Variants in PEAK1 observed in about 807,000 individuals in gnomAD.
PEAK1 encodes the protein inactive tyrosine-protein kinase PEAK1.
PEAK1 carries 54 observed loss-of-function variants against 124.7 expected under a neutral mutation model. The observed-to-expected ratio is 0.43, with a 90% CI of 0.35 to 0.54. The LOEUF (loss-of-function observed/expected upper bound fraction) is 0.54, where lower values mean the gene tolerates loss of function less well. Ranked by LOEUF, PEAK1 falls within the 20% of genes least tolerant of loss-of-function variation. PEAK1 has a pLI of 0.01. For missense variants in PEAK1, 2,046 were observed against 2,134.5 expected (o/e 0.96, Z 0.82); for synonymous variants, 719 against 760.0 (o/e 0.95, Z 0.89).
chr15:77,364,369 T>C (rs1165657119), intron 2 of PEAK1, among the ~76,000 whole-genome samples: 1 of 152,214 alleles, frequency 6.6e-6, no homozygotes, highest in African/African-American at 2.4e-5. Flanking sequence ...AGTGTTCATA[T>C]CATATCTAGA....
chr15:77,413,877 G>A (rs773799699), intron 1 of PEAK1, among the ~76,000 whole-genome samples: 3 of 152,180 alleles, frequency 2.0e-5, no homozygotes, highest in Non-Finnish European at 4.4e-5. Flanking sequence ...AGACTGGGGT[G>A]CAGTGGTGCA....
intron 2 of PEAK1, among the ~76,000 whole-genome samples, chr15:77,341,894 T>G (rs992219780): frequency 1.3e-5 from 2 of 152,182 alleles, no homozygotes; most frequent in African/African-American, 4.8e-5. Flanking sequence ...AGCTCTGTAC[T>G]GTCTGAAGTG....
intron 6 of PEAK1, among the ~76,000 whole-genome samples, chr15:77,245,249 G>A (rs2060527687): frequency 6.6e-6 from 1 of 152,072 alleles, no homozygotes; most frequent in Non-Finnish European, 1.5e-5. Context: ...CAGCTACTTT[G>A]GAGGCTGAGG....
intron 2 of PEAK1, chr15:77,337,802 G>A: frequency 4.1e-6 from 4 of 985,222 alleles, no homozygotes; most frequent in Non-Finnish European, 4.8e-6. Flanking sequence ...AAGACAGAAT[G>A]GAAAACGCTA....
intron 5 of PEAK1, among the ~76,000 whole-genome samples, chr15:77,272,541 C>T (rs1597044251): frequency 6.6e-6 from 1 of 152,190 alleles, no homozygotes; most frequent in Non-Finnish European, 1.5e-5. Context: ...GAATATACAA[C>T]CCTCCTAGAT....
chr15:77,259,593 C>A (rs1441832671), intron 5 of PEAK1, among the ~76,000 whole-genome samples: 1 of 152,160 alleles, frequency 6.6e-6, no homozygotes, highest in Non-Finnish European at 1.5e-5. Context: ...GCCTTAAAAC[C>A]TATTCTACAA....
chr15:77,148,972 T>C (rs576651066), intron 8 of PEAK1, among the ~76,000 whole-genome samples: 4 of 152,244 alleles, frequency 2.6e-5, no homozygotes, highest in African/African-American at 9.6e-5. Flanking sequence ...AAGAAGAGTA[T>C]ATTTTTGGGG....
At chr15:77,352,041 G>A (rs749228567) in intron 2 of PEAK1, 226 of 865,008 alleles carry the variant, frequency 2.6e-4, no homozygotes, top group Non-Finnish European at 3.0e-4. Flanking sequence ...GGTGACATAA[G>A]GAGACCCCAT....
At chr15:77,369,811 G>A (rs1462896795) in intron 1 of PEAK1, among the ~76,000 whole-genome samples, 2 of 152,022 alleles carry the variant, frequency 1.3e-5, no homozygotes, top group African/African-American at 4.8e-5. Flanking sequence ...TATTGCAAAG[G>A]CGCTGACTAT....
intron 6 of PEAK1, among the ~76,000 whole-genome samples, chr15:77,233,030 A>T (rs999787358): frequency 2.0e-5 from 3 of 152,162 alleles, no homozygotes; most frequent in African/African-American, 7.2e-5. Context: ...TACAGGCGTG[A>T]GCCACCGCAC....
At chr15:77,143,251 C>CCTAG (rs1253535638) in intron 8 of PEAK1, among the ~76,000 whole-genome samples, 2 of 152,124 alleles carry the variant, frequency 1.3e-5, no homozygotes, top group African/African-American at 2.4e-5. Context: ...CAGTTGCTTA[C>CCTAG]CTAGACCTTT....
At chr15:77,337,287 A>G in intron 2 of PEAK1, 1 of 985,302 alleles carries the variant, frequency 1.0e-6, no homozygotes, top group African/African-American at 1.7e-5. Flanking sequence ...TGCCAAGACA[A>G]GAAGTTTATT....
intron 1 of PEAK1, among the ~76,000 whole-genome samples, chr15:77,380,488 G>T (rs1300355010): frequency 3.9e-5 from 6 of 151,972 alleles, no homozygotes; most frequent in Non-Finnish European, 8.8e-5. Context: ...TCAGTTTTTT[G>T]AATTTTTTGA....
chr15:77,291,193 A>G (rs1034538114), intron 2 of PEAK1, among the ~76,000 whole-genome samples: 5 of 152,248 alleles, frequency 3.3e-5, no homozygotes, highest in Admixed American at 6.5e-5. Flanking sequence ...AATTTTCAAC[A>G]TAACACTGAT....
chr15:77,164,958 C>T (rs932403295), intron 7 of PEAK1, among the ~76,000 whole-genome samples: 3 of 151,078 alleles, frequency 2.0e-5, no homozygotes, highest in African/African-American at 7.3e-5. Flanking sequence ...GGGTGGAGTG[C>T]AATGGCGTAA....
Position 77,179,839 on chromosome 15 carries a change from C to A in PEAK1, c.2088G>T (p.Glu696Asp), listed in dbSNP as rs974821606. ...LQTKGFSNSTEHKRGSVAQKV... is the reference protein window; with the variant it reads ...LQTKGFSNSTDHKRGSVAQKV... Reference sequence around the variant, plus strand: ...TCTGAGCCACTGAGCCCCTTTTATGCTCTGTGCTGTTTGAAAACCCTTTAG... The same window carrying A: ...TCTGAGCCACTGAGCCCCTTTTATGATCTGTGCTGTTTGAAAACCCTTTAG... Residue 696 changes from glutamate to aspartate, a missense_variant, in exon 7 of 10, where the codon GAG becomes GAT. Coordinates refer to ENST00000682557, the MANE Select transcript of PEAK1 (RefSeq NM_001385026.1). 10 of 1,614,014 alleles carry A rather than the reference C, an allele frequency of 6.2e-6. No homozygotes were observed. Among genetic ancestry groups the A allele is most frequent in the South Asian group, 5.5e-5 (5 of 91,086 alleles).
Position 77,286,776 on chromosome 15 carries a change from A to C in PEAK1, c.-602-272T>G, listed in dbSNP as rs1022976153. 2.0e-5 allele frequency among the ~76,000 whole-genome samples: 3 copies of C among 152,308 alleles called. No homozygotes were observed. The East Asian group carries it at 5.8e-4, about 29-fold the overall frequency. On this transcript the variant is annotated intron_variant, in intron 2 of 9. Coordinates refer to ENST00000682557, the MANE Select transcript of PEAK1 (RefSeq NM_001385026.1). Reference sequence around the variant, plus strand: ...TTACTTCAAAAAATTACTTTCAAAGAATAGCAGTACCTCTGCTAAAGATAA... The same window carrying C: ...TTACTTCAAAAAATTACTTTCAAAGCATAGCAGTACCTCTGCTAAAGATAA...
chr15:77,321,555 A>C (rs931008356), intron 2 of PEAK1, among the ~76,000 whole-genome samples: 2 of 152,216 alleles, frequency 1.3e-5, no homozygotes, highest in Non-Finnish European at 1.5e-5. Context: ...TCTGGATATT[A>C]GCCCTTTGTC....
intron 6 of PEAK1, among the ~76,000 whole-genome samples, chr15:77,251,468 G>A (rs889131331): frequency 2.0e-5 from 3 of 152,048 alleles, no homozygotes; most frequent in African/African-American, 7.2e-5. Context: ...AGTAAATAAA[G>A]ATTATATTAA....
Sources: allele counts gnomAD v4.1 joint callset (sites outside exome capture counted in the v4.1 genomes callset), GRCh38; gene constraint gnomAD v4.1.1; transcripts MANE v1.5; gene names NCBI Gene and HGNC (gene_info 2026-07-23, HGNC 2026-07-21).